Variants in PALLD observed in about 807,000 individuals in gnomAD.
PALLD encodes the protein palladin, cytoskeletal associated protein.
In PALLD, 61 loss-of-function variants were observed where a neutral mutation model predicts 123.5. That is an observed-to-expected ratio of 0.49 (90% CI 0.40 to 0.61). PALLD has a LOEUF of 0.61. Ranked by LOEUF, PALLD falls within the 20% of genes least tolerant of loss-of-function variation. The pLI is 0.00. For synonymous variants in PALLD, 465 were observed against 496.4 expected, an observed-to-expected ratio of 0.94 and a Z score of 0.84; for missense variants, 1,273 against 1,377.0, an observed-to-expected ratio of 0.92 and a Z score of 1.20.
intron 2 of PALLD, 123 bp from the exon 3 acceptor site, chr4:168,668,065 GTT>G: frequency 3.1e-6 from 2 of 639,376 alleles, no homozygotes; most frequent in Non-Finnish European, 5.5e-6. Flanking sequence ...CACTGACATT[GTT>G]TTTTTTTTAA....
chr4:168,529,338 AG>A (rs1348548736), intron 2 of PALLD, among the ~76,000 whole-genome samples: 1 of 151,360 alleles, frequency 6.6e-6, no homozygotes, highest in African/African-American at 2.4e-5. Context: ...CTCTGTCTCG[AG>A]AAAAAAAAAA....
chr4:168,593,212 C>G (rs978472798), intron 2 of PALLD, among the ~76,000 whole-genome samples: 1 of 151,756 alleles, frequency 6.6e-6, no homozygotes, highest in East Asian at 1.9e-4. Context: ...CAGATTTTCC[C>G]TCTCCATTCT....
At chr4:168,672,435 T>C (rs1780374849) in intron 3 of PALLD, among the ~76,000 whole-genome samples, 2 of 151,854 alleles carry the variant, frequency 1.3e-5, no homozygotes, top group South Asian at 4.2e-4. Context: ...TATTAGCCCC[T>C]GTTCTGCTTT....
At chr4:168,759,277 ACCAATCTTAC>A (rs1182879879) in intron 10 of PALLD, among the ~76,000 whole-genome samples, 2 of 137,604 alleles carry the variant, frequency 1.5e-5, no homozygotes, top group Non-Finnish European at 3.1e-5. Context: ...TACTGACCCC[ACCAATCTTAC>A]CCTTTCTCCA....
rs191418523 is a variant in PALLD, at chr4:168,765,229, G to T, written c.1964+53306G>T. 2.7e-3 allele frequency among the ~76,000 whole-genome samples: 413 copies of T among 152,314 alleles called. 1 individual carries two copies. The highest frequency in any genetic ancestry group is 9.5e-3 in the African/African-American group (396 of 41,558). ...ATACAGCACAATATTTGAAAATAGA[G>T]AAGGTTTAGTAAATGGAAGCGATGA... On this transcript the variant is annotated intron_variant, in intron 10 of 21. Transcript: ENST00000505667.
chr4:168,565,143 G>A (rs1375397596), intron 2 of PALLD, among the ~76,000 whole-genome samples: 2 of 152,072 alleles, frequency 1.3e-5, no homozygotes, highest in Non-Finnish European at 2.9e-5. Flanking sequence ...AGTGATCCTG[G>A]GAGGAAAATG....
chr4:168,779,606 T>C (rs1735622074), intron 10 of PALLD, among the ~76,000 whole-genome samples: 1 of 152,032 alleles, frequency 6.6e-6, no homozygotes, highest in African/African-American at 2.4e-5. Flanking sequence ...TTAGATTCTG[T>C]GACTTATTTG....
At chr4:168,823,247 G>A (rs1407656883) in intron 10 of PALLD, among the ~76,000 whole-genome samples, 1 of 152,164 alleles carries the variant, frequency 6.6e-6, no homozygotes, top group Non-Finnish European at 1.5e-5. Context: ...CCCTGCCTAA[G>A]ATTATGGACA....
intron 2 of PALLD, among the ~76,000 whole-genome samples, chr4:168,578,556 C>T (rs886216760): frequency 6.6e-6 from 1 of 152,046 alleles, no homozygotes; most frequent in African/African-American, 2.4e-5. Context: ...GAATGTGAGT[C>T]AACTAAACCT....
chr4:168,590,476 T>TATCATCAG (rs1771293654), intron 2 of PALLD, among the ~76,000 whole-genome samples: 1 of 152,232 alleles, frequency 6.6e-6, no homozygotes, highest in Admixed American at 6.5e-5. Flanking sequence ...CCTGTTAAAA[T>TATCATCAG]ATCATCAGAA....
chr4:168,833,962 C>T (rs756290508), intron 10 of PALLD, among the ~76,000 whole-genome samples: 3 of 147,306 alleles, frequency 2.0e-5, no homozygotes, highest in Admixed American at 6.9e-5. Context: ...CATAAACATA[C>T]GAGATAGACA....
intron 2 of PALLD, among the ~76,000 whole-genome samples, chr4:168,612,109 A>G (rs1447504934): frequency 6.6e-6 from 1 of 152,164 alleles, no homozygotes; most frequent in African/African-American, 2.4e-5. Flanking sequence ...GCAGTGAGCC[A>G]GGATCGTGCC....
chr4:168,928,080 T>C lies in PALLD; in HGVS notation c.*1900T>C, dbSNP rs2126638542. The C allele has an allele frequency of 1.0e-5, 2 of 196,076 alleles. No individual in the cohort carries two copies. Among genetic ancestry groups the C allele is most frequent in the East Asian group, 1.6e-4 (2 of 12,562 alleles). The allele number at this position is 196,076 out of a possible 1,614,324, so 12.1% of individuals were successfully genotyped here. On this transcript the variant is annotated 3_prime_UTR_variant, in exon 22 of 22. Transcript: ENST00000505667. Reference sequence around the variant, plus strand: ...CACCAACCAACCAAGGTTTAAGTGATTAATAGGCTTGAGCACCGGGTGGCA... The same window carrying C: ...CACCAACCAACCAAGGTTTAAGTGACTAATAGGCTTGAGCACCGGGTGGCA...
intron 2 of PALLD, among the ~76,000 whole-genome samples, chr4:168,613,682 A>T (rs1773947865): frequency 6.6e-6 from 1 of 152,208 alleles, no homozygotes. Context: ...ACATTTAGAT[A>T]TGAAGTAATT....
intron 2 of PALLD, among the ~76,000 whole-genome samples, chr4:168,662,635 C>T (rs1271501330): frequency 3.3e-5 from 5 of 152,300 alleles, no homozygotes; most frequent in South Asian, 2.1e-4. Flanking sequence ...GTATCTCTTT[C>T]CCTAAATGAT....
intron 10 of PALLD, among the ~76,000 whole-genome samples, chr4:168,841,141 G>A (rs947389324): frequency 2.0e-5 from 3 of 152,130 alleles, no homozygotes; most frequent in Admixed American, 6.6e-5. Context: ...GAGCCTCTGC[G>A]CCCGGCCCAC....
intron 2 of PALLD, among the ~76,000 whole-genome samples, chr4:168,615,882 T>A (rs183356026): frequency 6.6e-6 from 1 of 152,294 alleles, no homozygotes; most frequent in East Asian, 1.9e-4. Flanking sequence ...CCCAGTCAAT[T>A]TATGAGGTCT....
chr4:168,518,633 C>G (rs28592997), intron 2 of PALLD, among the ~76,000 whole-genome samples: 30,808 of 152,126 alleles, frequency 0.2, 3,056 homozygotes, highest in Middle Eastern at 0.23. Flanking sequence ...CCCTCCATAT[C>G]TCTATCACCT....
chr4:168,577,079 G>A (rs189740078), intron 2 of PALLD, among the ~76,000 whole-genome samples: 7 of 152,216 alleles, frequency 4.6e-5, no homozygotes, highest in East Asian at 1.9e-4. Flanking sequence ...CGGCAGGCTC[G>A]AAGACTCCAG....
Sources: gnomAD v4.1 joint callset for allele counts (sites outside exome capture counted in the v4.1 genomes callset) on GRCh38, gnomAD v4.1.1 for gene constraint, MANE v1.5 for transcripts, NCBI Gene and HGNC (gene_info 2026-07-23, HGNC 2026-07-21) for gene names.